Variants in ZSWIM5 observed in about 807,000 individuals in gnomAD.
ZSWIM5 encodes the protein zinc finger SWIM-type containing 5, also known as zinc finger SWIM domain-containing protein 5.
In ZSWIM5, 55 loss-of-function variants were observed where a neutral mutation model predicts 119.6. The observed-to-expected ratio is 0.46, with a 90% CI of 0.37 to 0.58. The LOEUF (loss-of-function observed/expected upper bound fraction) is 0.58. ZSWIM5 is among the 20% of genes least tolerant of loss of function. The pLI is 0.00. For synonymous variants in ZSWIM5, 537 were observed against 606.9 expected (o/e 0.88, Z 1.69); for missense variants, 1,193 against 1,512.8 (o/e 0.79, Z 3.51).
At chr1:45,200,627 TCA>T (rs1439965405) in intron 1 of ZSWIM5, among the ~76,000 whole-genome samples, 3 of 152,180 alleles carry the variant, frequency 2.0e-5, no homozygotes, top group Non-Finnish European at 4.4e-5. Flanking sequence ...GAGTGCTATA[TCA>T]CACAGTCATC....
At chr1:45,203,286 C>G (rs925320151) in intron 1 of ZSWIM5, among the ~76,000 whole-genome samples, 2 of 152,030 alleles carry the variant, frequency 1.3e-5, no homozygotes, top group Admixed American at 1.3e-4. Context: ...AGAATTTAAT[C>G]TACCTACTCT....
At chr1:45,199,356 T>A (rs1395032480) in intron 1 of ZSWIM5, among the ~76,000 whole-genome samples, 2 of 151,772 alleles carry the variant, frequency 1.3e-5, no homozygotes, top group South Asian at 2.1e-4. Context: ...TGGAGTGCAG[T>A]GGCACGATCT....
At chr1:45,178,078 G>A (rs979914709) in intron 1 of ZSWIM5, among the ~76,000 whole-genome samples, 3 of 152,002 alleles carry the variant, frequency 2.0e-5, no homozygotes, top group Non-Finnish European at 4.4e-5. Flanking sequence ...TCAGGTCCTA[G>A]GGGGTTGTGA....
At chr1:45,181,410 G>T (rs1270272657) in intron 1 of ZSWIM5, among the ~76,000 whole-genome samples, 1 of 152,016 alleles carries the variant, frequency 6.6e-6, no homozygotes, top group Non-Finnish European at 1.5e-5. Flanking sequence ...AACAAACAAA[G>T]CCTCCAAGAA....
chr1:45,121,279 A>G (rs1437425418), intron 1 of ZSWIM5, among the ~76,000 whole-genome samples: 1 of 151,976 alleles, frequency 6.6e-6, no homozygotes, highest in East Asian at 1.9e-4. Flanking sequence ...AACTCTTTGG[A>G]TTATTTTTTC....
chr1:45,043,077 A>G, intron 6 of ZSWIM5, 142 bp downstream of exon 6: 1 of 816,714 alleles, frequency 1.2e-6, no homozygotes, highest in Non-Finnish European at 2.0e-6. Context: ...TCACATAAAT[A>G]TCCCTAATAA....
intron 1 of ZSWIM5, among the ~76,000 whole-genome samples, chr1:45,145,706 G>C (rs1645756023): frequency 1.3e-5 from 2 of 152,074 alleles, no homozygotes; most frequent in Non-Finnish European, 2.9e-5. Context: ...TGATGGAACT[G>C]TTCATATCCT....
At chr1:45,119,524 C>A (rs968562138) in intron 1 of ZSWIM5, among the ~76,000 whole-genome samples, 2 of 152,092 alleles carry the variant, frequency 1.3e-5, no homozygotes. Context: ...TATTATCTTG[C>A]GGGGTAAGGA....
At chr1:45,147,937 TA>T (rs1645772473) in intron 1 of ZSWIM5, among the ~76,000 whole-genome samples, 1 of 152,142 alleles carries the variant, frequency 6.6e-6, no homozygotes, top group Admixed American at 6.5e-5. Flanking sequence ...TCAAGATGGA[TA>T]TGGCAAATCC....
At position 45,045,655 on chromosome 1, in the gene ZSWIM5, C is replaced by T. The variant is rs537041932; in HGVS notation, c.1433-2260G>A. Reference sequence around the variant, plus strand: ...CTCTACTGCTGAACTGAGAATCCACCGGTCTGCTCAACCCACAGTGGGTAC... The same window carrying T: ...CTCTACTGCTGAACTGAGAATCCACTGGTCTGCTCAACCCACAGTGGGTAC... On this transcript the variant is annotated intron_variant, in intron 5 of 13. Coordinates refer to ENST00000359600, the MANE Select transcript of ZSWIM5 (RefSeq NM_020883.2). Among the ~76,000 whole-genome samples the T allele has an allele frequency of 5.3e-5, 8 of 152,212 alleles. No individual in the cohort carries two copies. In the East Asian group the frequency reaches 7.7e-4, roughly 15 times the overall value.
At chr1:45,141,105 G>A (rs560222120) in intron 1 of ZSWIM5, among the ~76,000 whole-genome samples, 18 of 152,144 alleles carry the variant, frequency 1.2e-4, no homozygotes, top group African/African-American at 3.6e-4. Context: ...CCCAACCTCC[G>A]GGCAATCCTG....
intron 1 of ZSWIM5, among the ~76,000 whole-genome samples, chr1:45,154,881 T>TA (rs1645818033): frequency 6.6e-6 from 1 of 151,876 alleles, no homozygotes; most frequent in Non-Finnish European, 1.5e-5. Context: ...AAACTCCAGC[T>TA]AAAAAAATAC....
At chr1:45,043,133 G>T in intron 6 of ZSWIM5, 86 bp downstream of exon 6, 1 of 1,335,952 alleles carries the variant, frequency 7.5e-7, no homozygotes, top group Non-Finnish European at 1.1e-6. Context: ...TGTAGTTTGA[G>T]TTGCAGGTAC....
chr1:45,045,312 AGTATTATACT>A (rs1217867682), intron 5 of ZSWIM5, among the ~76,000 whole-genome samples: 1 of 152,188 alleles, frequency 6.6e-6, no homozygotes, highest in Admixed American at 6.5e-5. Context: ...CAAGAACTGA[AGTATTATACT>A]GTACGGACAT....
chr1:45,060,060 T>C (rs781185590), intron 3 of ZSWIM5, 39 bp downstream of exon 3: 6 of 1,611,728 alleles, frequency 3.7e-6, no homozygotes, highest in Non-Finnish European at 5.1e-6. Context: ...TAAGCTTCTT[T>C]TGTCAACAAC....
In ZSWIM5 at chr1:45,020,263, G is replaced by A. The variant is rs549659650; in HGVS notation, c.2614-116C>T. On this transcript the variant is annotated intron_variant, in intron 12 of 13. Coordinates refer to ENST00000359600, the MANE Select transcript of ZSWIM5 (RefSeq NM_020883.2). ...TGGTGCTTTAAACAGTGGTCTCTCCGCTGATAAACATAAAATACAGTTAAT... is the reference window on the plus strand; with the variant it reads ...TGGTGCTTTAAACAGTGGTCTCTCCACTGATAAACATAAAATACAGTTAAT... 192 of 809,720 alleles carry A rather than the reference G, an allele frequency of 2.4e-4. 4 individuals are homozygous for A. In the South Asian group the frequency reaches 2.4e-3, roughly 10 times the overall value. 50.2% of individuals were successfully genotyped at this position (809,720 alleles called of 1,614,324 possible). A position where few individuals can be genotyped will look rare whatever the true frequency, so the allele number is the denominator to read the frequency against.
In ZSWIM5 at chr1:45,197,193, T is replaced by C. The variant is rs113813253; in HGVS notation, c.595+8563A>G. On this transcript the variant is annotated intron_variant, in intron 1 of 13. Coordinates refer to ENST00000359600, the MANE Select transcript of ZSWIM5 (RefSeq NM_020883.2). The stretch of plus-strand genomic sequence containing the variant: ...TATAAAAGCCAAATCCCTTGTTCTC[T>C]GGAATGCACCTTTGTTTTACACCAA... Among the ~76,000 whole-genome samples the C allele has an allele frequency of 9.5e-3, 1,454 of 152,338 alleles. 28 individuals are homozygous for C. The highest frequency in any genetic ancestry group is 0.034 in the African/African-American group (1,395 of 41,574).
At chr1:45,090,793 T>C (rs538799945) in intron 1 of ZSWIM5, among the ~76,000 whole-genome samples, 25 of 151,578 alleles carry the variant, frequency 1.6e-4, no homozygotes, top group African/African-American at 6.1e-4. Context: ...CACTGCACTC[T>C]AGCCTGGGAC....
At position 45,019,942 on chromosome 1, in the gene ZSWIM5, G is replaced by A. The variant is rs894956417; in HGVS notation, c.2695+124C>T. 2 of 821,852 alleles carry A rather than the reference G, an allele frequency of 2.4e-6. No individual in the cohort carries two copies. The highest frequency in any genetic ancestry group is 3.4e-5 in the African/African-American group (2 of 58,566). The allele number at this position is 821,852 out of a possible 1,614,324, so 50.9% of individuals were successfully genotyped here. ...TACCAGCAGCCCCATCCTTTCTTAG[G>A]CCATCTCCTGATGGACCTAAGATCT... On this transcript the variant is annotated intron_variant, in intron 13 of 13. Transcript: ENST00000359600. The surrounding 1 kb of genome is among the most constrained non-coding windows in gnomAD (Gnocchi z 5.0).
Sources: gnomAD v4.1 joint callset for allele counts (sites outside exome capture counted in the v4.1 genomes callset) on GRCh38, gnomAD v4.1.1 for gene constraint, Gnocchi (gnomAD v3.1) non-coding constraint, MANE v1.5 for transcripts, NCBI Gene and HGNC (gene_info 2026-07-23, HGNC 2026-07-21) for gene names.